Variants in PAPOLG observed in about 807,000 individuals in gnomAD.
The protein encoded by PAPOLG is PAP-gamma.
Under a neutral mutation model 99.0 loss-of-function variants are expected in PAPOLG, and 40 were observed. That is an observed-to-expected ratio of 0.40 (90% confidence interval 0.31 to 0.53). The LOEUF (loss-of-function observed/expected upper bound fraction) is 0.53, where lower values mean the gene tolerates loss of function less well. PAPOLG is among the 20% of genes least tolerant of loss of function. The pLI is 0.41. For missense variants in PAPOLG, 675 were observed against 884.1 expected, an observed-to-expected ratio of 0.76 and a Z score of 3.00; for synonymous variants, 310 against 299.3, an observed-to-expected ratio of 1.04 and a Z score of -0.37.
At chr2:60,780,277 CTTT>C (rs530213712) in intron 9 of PAPOLG, among the ~76,000 whole-genome samples, 6 of 136,000 alleles carry the variant, frequency 4.4e-5, no homozygotes, top group East Asian at 2.1e-4. Context: ...CTTACCTAGC[CTTT>C]TTTTTTTTTT....
rs144746291 is a variant in PAPOLG, at chr2:60,762,258, T to A, written c.246+451T>A. ...AGTTACTATGTTTCTCATGTGGGAT[T>A]CCCTTATTTGCCTACCTGCTTGGTT... is the stretch of plus-strand genomic sequence containing the variant. On this transcript the variant is annotated intron_variant, in intron 3 of 21. Transcript: ENST00000238714. 9.3e-4 allele frequency among the ~76,000 whole-genome samples: 141 copies of A among 152,206 alleles called. 4 individuals carry two copies. In the East Asian group the frequency reaches 0.021, roughly 23 times the overall value.
intron 3 of PAPOLG, among the ~76,000 whole-genome samples, chr2:60,767,143 A>G (rs1264824559): frequency 1.3e-5 from 2 of 152,104 alleles, no homozygotes; most frequent in Non-Finnish European, 2.9e-5. Context: ...AGCCAAGAAG[A>G]AGGAAAAGGT....
At chr2:60,770,147 G>A (rs1052656852) in intron 5 of PAPOLG, among the ~76,000 whole-genome samples, 1 of 152,132 alleles carries the variant, frequency 6.6e-6, no homozygotes, top group African/African-American at 2.4e-5. Context: ...CAGTTCTGAG[G>A]AATATTTTTA....
In PAPOLG at chr2:60,787,026, A is replaced by C; in HGVS notation, c.1246A>C (p.Asn416His). 6.2e-7 allele frequency: 1 copy of C among 1,612,446 alleles called. No individual in the cohort carries two copies. Among genetic ancestry groups the C allele is most frequent in the Non-Finnish European group, 8.5e-7 (1 of 1,178,826 alleles). Residue 416 changes from asparagine (N) to histidine (H), a missense_variant, in exon 14 of 22, where the codon AAT becomes CAT. Coordinates refer to ENST00000238714, the MANE Select transcript of PAPOLG (RefSeq NM_022894.4). ...RNEFITLAHV[N>H]PQSFPGNKEH... ...TGAATTTATTACTCTTGCCCATGTG[A>C]ATCCCCAGTCATTCCCAGGGAATAA...
In PAPOLG at chr2:60,792,143, T is replaced by C; in HGVS notation, c.1533T>C (p.Asp511=). ...LQKKKKQSLS[D]VNRSSGGLQS... Reference sequence around the variant, plus strand: ...CCTTCTTTCAGCAAAGTCTCTCTGATGTCAATCGAAGCTCGGGCGGACTTC... The same window carrying C: ...CCTTCTTTCAGCAAAGTCTCTCTGACGTCAATCGAAGCTCGGGCGGACTTC... Residue 511 remains aspartate (D), a synonymous_variant, in exon 17 of 22, where the codon GAT becomes GAC. Transcript: ENST00000238714. 1.9e-6 allele frequency: 3 copies of C among 1,587,994 alleles called. No individual in the cohort carries two copies. Among genetic ancestry groups the C allele is most frequent in the Non-Finnish European group, 2.6e-6 (3 of 1,173,220 alleles).
chr2:60,790,950 A>C (rs1482423153), intron 15 of PAPOLG, among the ~76,000 whole-genome samples: 1 of 152,076 alleles, frequency 6.6e-6, no homozygotes, highest in Non-Finnish European at 1.5e-5. Context: ...GTAGCTGGGC[A>C]TGGTGCCATG....
chr2:60,794,887 G>T, intron 20 of PAPOLG, 77 bp from the exon 21 acceptor site: 1 of 1,579,798 alleles, frequency 6.3e-7, no homozygotes, highest in South Asian at 1.1e-5. Context: ...GTTTTCGTTA[G>T]GTTTTATTTT....
chr2:60,794,928 G>A (rs1401752716), intron 20 of PAPOLG, 36 bp from the exon 21 acceptor site: 2 of 1,607,922 alleles, frequency 1.2e-6, no homozygotes, highest in East Asian at 4.5e-5. Context: ...ATATAGGAAA[G>A]TTAGTTTTCA....
chr2:60,791,243 G>A (rs1347898156), intron 15 of PAPOLG, among the ~76,000 whole-genome samples: 2 of 152,198 alleles, frequency 1.3e-5, no homozygotes, highest in South Asian at 2.1e-4. Flanking sequence ...CTTAGAAAGT[G>A]GACATGGAAA....
chr2:60,782,762 A>C lies in PAPOLG; in HGVS notation c.1104A>C (p.Gln368His), dbSNP rs143716717. The C allele has an allele frequency of 6.4e-7, 1 of 1,570,740 alleles. No individual in the cohort carries two copies. Among genetic ancestry groups the C allele is most frequent in the Non-Finnish European group, 8.6e-7 (1 of 1,165,776 alleles). Reference protein sequence around the residue: ...SKLLEPPNFFQKYRHYIVLTA... With the variant: ...SKLLEPPNFFHKYRHYIVLTA... Reference sequence around the variant, plus strand: ...TACTTGAGCCACCGAATTTCTTTCAAAAGTATAGGTACGTGAAATTTTGTA... The same window carrying C: ...TACTTGAGCCACCGAATTTCTTTCACAAGTATAGGTACGTGAAATTTTGTA... Residue 368 changes from glutamine to histidine, a missense_variant, in exon 12 of 22, where the codon CAA becomes CAC. By Grantham distance (24) the Gln-to-His change is conservative. This residue lies in a region of PAPOLG where 413 missense variants were observed against 460.5 expected (regional missense o/e 0.90). Coordinates refer to ENST00000238714, the MANE Select transcript of PAPOLG (RefSeq NM_022894.4).
chr2:60,784,494 G>A (rs972419477), intron 13 of PAPOLG, among the ~76,000 whole-genome samples: 2 of 152,084 alleles, frequency 1.3e-5, no homozygotes, highest in Admixed American at 6.6e-5. Context: ...TCTATCAGAC[G>A]GAAGCTGTTA....
Position 60,784,332 on chromosome 2 carries a change from G to C in PAPOLG, c.1166+1123G>C, listed in dbSNP as rs1671293282. Among the ~76,000 whole-genome samples, 3 of 152,210 alleles carry C rather than the reference G, an allele frequency of 2.0e-5. No individual in the cohort carries two copies. The South Asian group carries it at 6.2e-4, about 32-fold the overall frequency. ...CAAAACTCAGTAGAAAAGACATTTT[G>C]TATATCCTTTTAATTTAGGAGATAA... is the stretch of plus-strand genomic sequence containing the variant. On this transcript the variant is annotated intron_variant, in intron 13 of 21. Transcript: ENST00000238714.
intron 13 of PAPOLG, among the ~76,000 whole-genome samples, chr2:60,785,059 T>G (rs1206271683): frequency 6.6e-6 from 1 of 152,230 alleles, no homozygotes; most frequent in Non-Finnish European, 1.5e-5. Context: ...TTAAGTGAGA[T>G]AGAAATAAAA....
At chr2:60,784,415 G>T (rs151032925) in intron 13 of PAPOLG, among the ~76,000 whole-genome samples, 141 of 152,332 alleles carry the variant, frequency 9.3e-4, no homozygotes, top group African/African-American at 3.1e-3. Context: ...TTGTGGTCAA[G>T]AAGTAGTGTG....
intron 8 of PAPOLG, among the ~76,000 whole-genome samples, chr2:60,775,897 G>A (rs1418470426): frequency 6.6e-6 from 1 of 152,006 alleles, no homozygotes; most frequent in Non-Finnish European, 1.5e-5. Context: ...CCAAGTAGCT[G>A]GGATTATAGG....
chr2:60,756,551 T>G, intron 1 of PAPOLG, 56 bp downstream of exon 1: 10 of 1,527,388 alleles, frequency 6.5e-6, no homozygotes, highest in Non-Finnish European at 8.8e-6. Flanking sequence ...GCTGAGGTGG[T>G]CCGACTGTGT....
At chr2:60,787,098 TTAAA>T (rs1354465237) in intron 14 of PAPOLG, 32 bp downstream of exon 14, 2 of 1,491,002 alleles carry the variant, frequency 1.3e-6, no homozygotes, top group Non-Finnish European at 1.8e-6. Flanking sequence ...ACTTTATTTC[TTAAA>T]TAATGTTATT....
rs1671810819 is a variant in PAPOLG at position 60,800,024 on chromosome 2, C to T, written c.*2864C>T. 2.6e-5 allele frequency: 4 copies of T among 152,276 alleles called. No homozygotes were observed. The South Asian group carries it at 8.3e-4, about 32-fold the overall frequency. The allele number at this position is 152,276 out of a possible 1,614,324, so 9.4% of individuals were successfully genotyped here. On this transcript the variant is annotated 3_prime_UTR_variant, in exon 22 of 22. Coordinates refer to ENST00000238714, the MANE Select transcript of PAPOLG (RefSeq NM_022894.4). ...AGACACATGTTCATTTTCACAAGGG[C>T]ATTACATTTTAATTTGCTCATTTTT...
At chr2:60,781,451 G>C (rs1004012281) in intron 10 of PAPOLG, among the ~76,000 whole-genome samples, 11 of 152,168 alleles carry the variant, frequency 7.2e-5, no homozygotes, top group African/African-American at 2.7e-4. Context: ...CATTGTTCCA[G>C]GGTAGCATAA....
Sources: allele counts gnomAD v4.1 joint callset (sites outside exome capture counted in the v4.1 genomes callset), GRCh38; gene constraint gnomAD v4.1.1; regional missense constraint gnomAD v4.1.1; transcripts MANE v1.5; gene names NCBI Gene and HGNC (gene_info 2026-07-23, HGNC 2026-07-21).